Variants in B9D2 observed in about 807,000 individuals in gnomAD.
B9D2 encodes B9 domain containing 2, also known as B9 domain-containing protein 2.
A neutral mutation model predicts 19.2 loss-of-function variants in B9D2; 21 were observed. That is an observed-to-expected ratio of 1.09 (90% CI 0.78 to 1.58). The LOEUF (loss-of-function observed/expected upper bound fraction) is 1.58, where lower values mean the gene tolerates loss of function less well. B9D2 is among the 40% of genes most tolerant of loss of function. The probability of loss-of-function intolerance (pLI) is 0.00; values close to 1 mark genes in which losing one functional copy is unlikely to be tolerated. For missense variants in B9D2, 221 were observed against 244.3 expected (o/e 0.90, Z 0.64); for synonymous variants, 91 against 100.6 (o/e 0.90, Z 0.57).
In B9D2 at chr19:41,354,922, G is replaced by A; in HGVS notation, c.306C>T (p.Ser102=). The A allele has an allele frequency of 1.2e-6, 2 of 1,613,414 alleles. No homozygotes were observed. The highest frequency in any genetic ancestry group is 1.1e-5 in the South Asian group (1 of 91,028). ...AGYGFCHVPS[S]PGTHQLACPT... ...GGCAGGCCAGCTGGTGGGTGCCCGG[G>A]CTACTGGGCACATGGCAAAATCCAT... The change falls in exon 4 of 4, where the codon AGC becomes AGT. Residue 102 remains serine, a synonymous_variant. Transcript: ENST00000243578.
intron 3 of B9D2, among the ~76,000 whole-genome samples, chr19:41,356,506 T>A (rs909219383): frequency 6.6e-6 from 1 of 151,868 alleles, no homozygotes; most frequent in African/African-American, 2.4e-5. Context: ...GGAAAGATTT[T>A]TTTTTTCCCC....
Position 41,363,461 on chromosome 19 carries a change from C to G in B9D2, c.59G>C (p.Ser20Thr), listed in dbSNP as rs770488899. ...GTGAATGCCCCACTTGCAGAAGAGG[C>G]TACTTTCCGAGAAACCGCTGGCCCC... is the stretch of plus-strand genomic sequence containing the variant. ...IIGASGFSES[S>T]LFCKWGIHTG... Residue 20 changes from serine (S) to threonine (T), a missense_variant, in exon 2 of 4, where the codon AGC becomes ACC. Physicochemically the swap from Ser to Thr is moderately conservative, Grantham distance 58. Transcript: ENST00000243578. 6.2e-7 allele frequency: 1 copy of G among 1,614,040 alleles called. No homozygotes were observed. Among genetic ancestry groups the G allele is most frequent in the African/African-American group, 1.3e-5 (1 of 74,908 alleles).
chr19:41,362,100 A>C (rs1036087413), intron 2 of B9D2, among the ~76,000 whole-genome samples: 2 of 129,050 alleles, frequency 1.5e-5, no homozygotes, highest in African/African-American at 6.0e-5. Context: ...AAAAAAAAAA[A>C]GGGCCAGGCG....
In B9D2 at chr19:41,357,938, G is replaced by A; in HGVS notation, c.173C>T (p.Ser58Phe). 6.2e-7 allele frequency: 1 copy of A among 1,614,158 alleles called. No homozygotes were observed. The highest frequency in any genetic ancestry group is 8.5e-7 in the Non-Finnish European group (1 of 1,180,024). ...TPQIGDMAYWSHPIDLHFATK... is the reference protein window; with the variant it reads ...TPQIGDMAYWFHPIDLHFATK... Reference sequence around the variant, plus strand: ...GGCGAAGTGCAGGTCGATGGGGTGGGACCAGTAAGCCATGTCCCCTATCTG... The same window carrying A: ...GGCGAAGTGCAGGTCGATGGGGTGGAACCAGTAAGCCATGTCCCCTATCTG... Residue 58 changes from serine (S) to phenylalanine (F), a missense_variant, in exon 3 of 4, where the codon TCC becomes TTC. Physicochemically the swap from Ser to Phe is radical, Grantham distance 155. Transcript: ENST00000243578.
chr19:41,355,174 C>T (rs907114054), intron 3 of B9D2, among the ~76,000 whole-genome samples, 161 bp from the exon 4 acceptor site: 6 of 152,156 alleles, frequency 3.9e-5, no homozygotes, highest in East Asian at 1.9e-4. Flanking sequence ...AGGCTCCCAC[C>T]GTCTTATCTA....
At position 41,363,469 on chromosome 19, in the gene B9D2, C is replaced by T. The variant is rs2038447352; in HGVS notation, c.51G>A (p.Ser17=). The stretch of plus-strand genomic sequence containing the variant: ...CCCACTTGCAGAAGAGGCTACTTTC[C>T]GAGAAACCGCTGGCCCCTATGATCT... The part of the protein sequence containing the change: ...IGQIIGASGF[S]ESSLFCKWGI... Residue 17 remains serine, a synonymous_variant, in exon 2 of 4, where the codon TCG becomes TCA. Transcript: ENST00000243578. 1.2e-6 allele frequency: 2 copies of T among 1,614,040 alleles called. No homozygotes were observed. The highest frequency in any genetic ancestry group is 1.3e-5 in the African/African-American group (1 of 74,906).
At chr19:41,355,875 T>C (rs948010965) in intron 3 of B9D2, among the ~76,000 whole-genome samples, 1 of 152,178 alleles carries the variant, frequency 6.6e-6, no homozygotes, top group Non-Finnish European at 1.5e-5. Context: ...GAAGGTGACA[T>C]TTGAGCAAAT....
chr19:41,357,850 T>C lies in B9D2; in HGVS notation c.214+47A>G, dbSNP rs745743114. The C allele has an allele frequency of 3.1e-6, 5 of 1,611,568 alleles. No homozygotes were observed. The Admixed American group carries it at 6.7e-5, about 21-fold the overall frequency. The stretch of plus-strand genomic sequence containing the variant: ...CAGCCCCAGGGACCTCAGAGGCTAC[T>C]GGCCCCCTCCCCTCAGCCTGGACCC... On this transcript the variant is annotated intron_variant, in intron 3 of 3. Coordinates refer to ENST00000243578, the MANE Select transcript of B9D2 (RefSeq NM_030578.4).
chr19:41,359,251 C>A (rs61414323), intron 2 of B9D2, among the ~76,000 whole-genome samples: 4 of 151,494 alleles, frequency 2.6e-5, no homozygotes, highest in African/African-American at 9.7e-5. Flanking sequence ...GCCAACATGG[C>A]GAAATCCCAT....
intron 2 of B9D2, chr19:41,363,215 C>G (rs1342305467): frequency 1.8e-5 from 11 of 600,258 alleles, no homozygotes; most frequent in African/African-American, 5.5e-5. Flanking sequence ...CACCTTACTC[C>G]AGCCCGGGCG....
chr19:41,357,639 C>T (rs1271020652), intron 3 of B9D2, among the ~76,000 whole-genome samples: 1 of 151,348 alleles, frequency 6.6e-6, no homozygotes, highest in African/African-American at 2.4e-5. Flanking sequence ...AATGCCACCT[C>T]CCCTCCCACC....
At chr19:41,361,065 GCT>G (rs2038396510) in intron 2 of B9D2, 1 of 152,184 alleles carries the variant, frequency 6.6e-6, no homozygotes, top group Admixed American at 6.5e-5. Context: ...TGTTTTCCAT[GCT>G]GGTGACATAG....
intron 3 of B9D2, 59 bp downstream of exon 3, chr19:41,357,838 C>T (rs1156318192): frequency 2.5e-6 from 4 of 1,607,614 alleles, no homozygotes; most frequent in Non-Finnish European, 3.4e-6. Flanking sequence ...CCCCAGGGAC[C>T]TCAGAGGCTA....
Position 41,357,931 on chromosome 19 carries a change from G to A in B9D2, c.180C>T (p.Pro60=). ...CTTTGGTGGCGAAGTGCAGGTCGAT[G>A]GGGTGGGACCAGTAAGCCATGTCCC... The part of the protein sequence containing the change: ...QIGDMAYWSH[P]IDLHFATKGL... Residue 60 remains proline (P), a synonymous_variant, in exon 3 of 4, where the codon CCC becomes CCT. Transcript: ENST00000243578. The A allele has an allele frequency of 6.2e-7, 1 of 1,614,196 alleles. No homozygotes were observed. The highest frequency in any genetic ancestry group is 1.7e-4 in the Middle Eastern group (1 of 6,060).
rs1298035812 is a variant in B9D2, at chr19:41,362,347, C to G, written c.88+1085G>C. On this transcript the variant is annotated intron_variant, in intron 2 of 3. Coordinates refer to ENST00000243578, the MANE Select transcript of B9D2 (RefSeq NM_030578.4). ...TGAGCTAGATTGCACCACTGCACTA[C>G]AGCCTGGGAAACAGAACGAGTCTCA... Among the ~76,000 whole-genome samples the G allele has an allele frequency of 4.9e-5, 6 of 123,456 alleles. No homozygotes were observed. The Admixed American group carries it at 5.4e-4, about 11-fold the overall frequency. 81.0% of individuals were successfully genotyped at this position (123,456 alleles called of 152,430 possible).
chr19:41,360,575 G>A (rs774866512), intron 2 of B9D2, among the ~76,000 whole-genome samples: 1 of 151,854 alleles, frequency 6.6e-6, no homozygotes, highest in Non-Finnish European at 1.5e-5. Flanking sequence ...GCACCATCTC[G>A]GCTCACTGCA....
intron 3 of B9D2, among the ~76,000 whole-genome samples, chr19:41,357,306 T>G (rs953967711): frequency 1.3e-5 from 2 of 152,186 alleles, no homozygotes; most frequent in Admixed American, 1.3e-4. Flanking sequence ...TAAGGGACAC[T>G]GCCTTGATCC....
intron 2 of B9D2, among the ~76,000 whole-genome samples, chr19:41,362,078 C>CAAAAA (rs940435937): frequency 2.2e-5 from 1 of 46,020 alleles, no homozygotes; most frequent in South Asian, 8.6e-4. Flanking sequence ...GACTCTGTCT[C>CAAAAA]AAAAAAAAAA....
chr19:41,361,566 T>A (rs960716690), intron 2 of B9D2, among the ~76,000 whole-genome samples: 3 of 150,696 alleles, frequency 2.0e-5, no homozygotes, highest in Non-Finnish European at 4.4e-5. Context: ...CGCAGGCGGA[T>A]CACTTAAGGC....
Sources: gnomAD v4.1 joint callset for allele counts (sites outside exome capture counted in the v4.1 genomes callset) on GRCh38, gnomAD v4.1.1 for gene constraint, MANE v1.5 for transcripts, NCBI Gene and HGNC (gene_info 2026-07-23, HGNC 2026-07-21) for gene names.